SGCZ: variants seen among roughly 807,000 people sequenced by gnomAD.
SGCZ encodes the protein zeta-sarcoglycan.
A neutral mutation model predicts 41.3 loss-of-function variants in SGCZ; 40 were observed. That is an observed-to-expected ratio of 0.97 (90% CI 0.75 to 1.26). SGCZ has a LOEUF of 1.26. Among genes scored for constraint, SGCZ ranks in the 50% most tolerant of loss-of-function variants. The pLI, the probability that SGCZ is intolerant of heterozygous loss-of-function variation, is 0.00. For synonymous variants in SGCZ, 206 were observed against 137.5 expected, an observed-to-expected ratio of 1.50 and a Z score of -3.49; for missense variants, 552 against 369.8, an observed-to-expected ratio of 1.49 and a Z score of -4.04.
chr8:14,492,742 A>G (rs1397928718), intron 2 of SGCZ, among the ~76,000 whole-genome samples: 1 of 152,190 alleles, frequency 6.6e-6, no homozygotes. Flanking sequence ...GAAAAGTTCC[A>G]TTTCGTGATA....
chr8:14,122,413 T>A (rs1351557569), intron 5 of SGCZ, among the ~76,000 whole-genome samples: 1 of 152,178 alleles, frequency 6.6e-6, no homozygotes, highest in African/African-American at 2.4e-5. Context: ...AATAATTCAA[T>A]TTCAAGGAAT....
chr8:14,190,014 C>CTTTTTTTTTTTTTTTTTTTTTTTTT (rs71304966), intron 4 of SGCZ, among the ~76,000 whole-genome samples: 1 of 100,202 alleles, frequency 1.0e-5, no homozygotes, highest in Non-Finnish European at 2.0e-5. Context: ...TTCTTTCTTT[C>CTTTTTTTTTTTTTTTTTTTTTTTTT]TTTTTTTTTT....
chr8:14,978,296 C>T (rs955806156), intron 1 of SGCZ, among the ~76,000 whole-genome samples: 1 of 151,216 alleles, frequency 6.6e-6, no homozygotes, highest in Non-Finnish European at 1.5e-5. Flanking sequence ...GGTGAAATCT[C>T]GCCTCTAATA....
At chr8:14,433,965 C>A (rs1380066740) in intron 2 of SGCZ, among the ~76,000 whole-genome samples, 1 of 152,178 alleles carries the variant, frequency 6.6e-6, no homozygotes, top group African/African-American at 2.4e-5. Context: ...TGCAAAAGCT[C>A]TTTCGTTTAA....
At chr8:14,545,808 C>G (rs953281052) in intron 2 of SGCZ, among the ~76,000 whole-genome samples, 1 of 152,258 alleles carries the variant, frequency 6.6e-6, no homozygotes, top group African/African-American at 2.4e-5. Flanking sequence ...TATTCAACAG[C>G]TAATTTTCTT....
At chr8:14,837,372 T>C in intron 1 of SGCZ, among the ~76,000 whole-genome samples, 1 of 152,346 alleles carries the variant, frequency 6.6e-6, no homozygotes, top group African/African-American at 2.4e-5. Context: ...ACATTCTTAG[T>C]GTTTCCAAGG....
At chr8:14,679,013 C>T (rs1808359889) in intron 1 of SGCZ, among the ~76,000 whole-genome samples, 2 of 152,078 alleles carry the variant, frequency 1.3e-5, no homozygotes, top group South Asian at 4.1e-4. Flanking sequence ...AGTTGCCTGT[C>T]CTATCATAAG....
chr8:14,410,205 C>A (rs1279498687), intron 2 of SGCZ, among the ~76,000 whole-genome samples: 2 of 151,978 alleles, frequency 1.3e-5, no homozygotes, highest in African/African-American at 4.8e-5. Context: ...AACATTTATC[C>A]CGAAACCATT....
At chr8:15,166,434 G>A (rs57818261) in intron 1 of SGCZ, among the ~76,000 whole-genome samples, 7 of 151,870 alleles carry the variant, frequency 4.6e-5, no homozygotes, top group Non-Finnish European at 7.4e-5. Context: ...TTTTTTAGTA[G>A]AGATGGGGTT....
intron 1 of SGCZ, among the ~76,000 whole-genome samples, chr8:14,855,641 A>C (rs946677513): frequency 1.3e-5 from 2 of 152,210 alleles, no homozygotes; most frequent in African/African-American, 4.8e-5. Context: ...AAAAATACTT[A>C]AAGAAAACAT....
chr8:14,458,608 T>G (rs541850182), intron 2 of SGCZ, among the ~76,000 whole-genome samples: 1 of 152,146 alleles, frequency 6.6e-6, no homozygotes, highest in Admixed American at 6.6e-5. Flanking sequence ...GATAAATACA[T>G]AGATAAGGAA....
chr8:14,661,704 G>C (rs1563186127), intron 1 of SGCZ, among the ~76,000 whole-genome samples: 1 of 151,986 alleles, frequency 6.6e-6, no homozygotes, highest in Non-Finnish European at 1.5e-5. Flanking sequence ...GTCTCTCTTG[G>C]GTTCTTGGAT....
intron 1 of SGCZ, among the ~76,000 whole-genome samples, chr8:15,019,891 A>C (rs1803188126): frequency 6.7e-6 from 1 of 149,980 alleles, no homozygotes; most frequent in African/African-American, 2.5e-5. Context: ...CTGGGTATTC[A>C]AGTAGTCTCA....
chr8:14,952,691 G>A (rs995771476), intron 1 of SGCZ, among the ~76,000 whole-genome samples: 4 of 152,232 alleles, frequency 2.6e-5, no homozygotes, highest in African/African-American at 9.6e-5. Context: ...ATTAAAATGA[G>A]ATTCTAAACA....
intron 2 of SGCZ, among the ~76,000 whole-genome samples, chr8:14,468,203 A>T (rs1276245618): frequency 2.6e-5 from 4 of 152,062 alleles, no homozygotes; most frequent in Non-Finnish European, 4.4e-5. Context: ...GATTGAGTTC[A>T]TCAGCATAAT....
chr8:14,649,006 A>C (rs113708118), intron 1 of SGCZ, among the ~76,000 whole-genome samples: 1,703 of 152,218 alleles, frequency 0.011, 31 homozygotes, highest in African/African-American at 0.038. Flanking sequence ...CCCAACAGTC[A>C]TACCAACTAT....
chr8:14,464,819 C>A (rs1257258804), intron 2 of SGCZ, among the ~76,000 whole-genome samples: 1 of 150,876 alleles, frequency 6.6e-6, no homozygotes, highest in Non-Finnish European at 1.5e-5. Context: ...TTTTTATATC[C>A]CTTGTGATTT....
At chr8:14,181,480 A>G (rs1471602262) in intron 4 of SGCZ, among the ~76,000 whole-genome samples, 1 of 152,226 alleles carries the variant, frequency 6.6e-6, no homozygotes, top group East Asian at 1.9e-4. Flanking sequence ...TCAACAGAGA[A>G]CCAACATAAG....
At chr8:15,236,175 TC>T (rs1248092851) in intron 1 of SGCZ, among the ~76,000 whole-genome samples, 2 of 152,134 alleles carry the variant, frequency 1.3e-5, no homozygotes, top group Admixed American at 1.3e-4. Context: ...CTGTCCTCCC[TC>T]CGTCCTGGAC....
Sources: gnomAD v4.1 joint callset for allele counts (sites outside exome capture counted in the v4.1 genomes callset) on GRCh38, gnomAD v4.1.1 for gene constraint, MANE v1.5 for transcripts, NCBI Gene and HGNC (gene_info 2026-07-23, HGNC 2026-07-21) for gene names.